Variants in SCMH1 observed in about 807,000 individuals in gnomAD.
SCMH1 encodes the protein polycomb protein SCMH1.
Under a neutral mutation model 70.8 loss-of-function variants are expected in SCMH1, and 37 were observed. The ratio of observed to expected loss-of-function variants is 0.52; its 90% CI spans 0.40 to 0.69. The LOEUF (loss-of-function observed/expected upper bound fraction) is 0.69, where lower values mean the gene tolerates loss of function less well. Among genes scored for constraint, SCMH1 ranks in the 30% least tolerant of loss-of-function variants. The pLI, the probability that SCMH1 is intolerant of heterozygous loss-of-function variation, is 0.00. For missense variants in SCMH1, 607 were observed against 827.3 expected, an observed-to-expected ratio of 0.73 and a Z score of 3.27; for synonymous variants, 292 against 307.4, an observed-to-expected ratio of 0.95 and a Z score of 0.52.
At chr1:41,092,041 C>A in intron 8 of SCMH1, among the ~76,000 whole-genome samples, 1 of 152,080 alleles carries the variant, frequency 6.6e-6, no homozygotes, top group East Asian at 1.9e-4. Flanking sequence ...TCATATGGAA[C>A]CAAAAAAGAG....
At chr1:41,091,941 T>C (rs1402200304) in intron 8 of SCMH1, among the ~76,000 whole-genome samples, 1 of 151,926 alleles carries the variant, frequency 6.6e-6, no homozygotes. Flanking sequence ...AAAATGGCCA[T>C]ACTGCCCAAG....
chr1:41,088,280 T>C (rs1462139225), intron 8 of SCMH1, among the ~76,000 whole-genome samples: 1 of 152,050 alleles, frequency 6.6e-6, no homozygotes, highest in African/African-American at 2.4e-5. Context: ...AAGAGGGTAG[T>C]GGTGGTGGAA....
At chr1:41,048,499 T>G (rs893115172) in intron 11 of SCMH1, among the ~76,000 whole-genome samples, 191 bp downstream of exon 11, 10 of 152,128 alleles carry the variant, frequency 6.6e-5, no homozygotes, top group African/African-American at 2.4e-4. Flanking sequence ...TCTGTGGGTA[T>G]TCTCCTTGGC....
intron 5 of SCMH1, among the ~76,000 whole-genome samples, chr1:41,146,218 T>TAA (rs776753680): frequency 7.3e-6 from 1 of 136,100 alleles, no homozygotes. Flanking sequence ...GTTTAAAAGG[T>TAA]AAAAAAAAAA....
chr1:41,213,968 T>C (rs931080199), intron 1 of SCMH1, among the ~76,000 whole-genome samples: 6 of 152,082 alleles, frequency 3.9e-5, no homozygotes, highest in Admixed American at 2.6e-4. Flanking sequence ...AAAAGGTAAG[T>C]AGGTGACAGC....
intron 6 of SCMH1, among the ~76,000 whole-genome samples, chr1:41,117,562 G>A (rs562327115): frequency 1.3e-3 from 193 of 151,716 alleles, no homozygotes; most frequent in African/African-American, 4.4e-3. Flanking sequence ...AGGGCCTGAC[G>A]TCAGTCAGGC....
chr1:41,095,588 A>C (rs923791433), intron 8 of SCMH1, among the ~76,000 whole-genome samples: 2 of 152,232 alleles, frequency 1.3e-5, no homozygotes, highest in Non-Finnish European at 2.9e-5. Context: ...TTCTATATAA[A>C]AATATGCTGG....
At chr1:41,218,596 TTC>T (rs1573163242) in intron 1 of SCMH1, among the ~76,000 whole-genome samples, 1 of 152,138 alleles carries the variant, frequency 6.6e-6, no homozygotes, top group East Asian at 1.9e-4. Context: ...GAGAATAAAT[TTC>T]TGTTGTTCTA....
At chr1:41,127,630 C>T (rs1673544126) in intron 6 of SCMH1, among the ~76,000 whole-genome samples, 1 of 152,102 alleles carries the variant, frequency 6.6e-6, no homozygotes, top group Non-Finnish European at 1.5e-5. Context: ...AATCTCCATC[C>T]CCCAAATTAA....
intron 8 of SCMH1, among the ~76,000 whole-genome samples, chr1:41,107,029 T>C (rs1448126386): frequency 3.3e-5 from 5 of 151,754 alleles, no homozygotes; most frequent in Non-Finnish European, 1.5e-5. Context: ...TTTTTTTTTT[T>C]TAACTTCTGG....
chr1:41,196,377 A>G (rs1653022413), intron 1 of SCMH1, among the ~76,000 whole-genome samples: 1 of 152,186 alleles, frequency 6.6e-6, no homozygotes, highest in African/African-American at 2.4e-5. Flanking sequence ...TAAGCAGACC[A>G]ATGTAATAGA....
At chr1:41,178,822 T>A (rs991169874) in intron 2 of SCMH1, among the ~76,000 whole-genome samples, 1 of 152,062 alleles carries the variant, frequency 6.6e-6, no homozygotes, top group Non-Finnish European at 1.5e-5. Flanking sequence ...ATTAGACAGA[T>A]CAACAAGACA....
At chr1:41,064,013 C>T (rs1406292185) in intron 10 of SCMH1, among the ~76,000 whole-genome samples, 1 of 152,108 alleles carries the variant, frequency 6.6e-6, no homozygotes, top group Non-Finnish European at 1.5e-5. Flanking sequence ...ATTATCAAAT[C>T]AAATTGAACA....
chr1:41,192,921 A>C (rs1167674112), intron 1 of SCMH1, among the ~76,000 whole-genome samples: 3 of 152,240 alleles, frequency 2.0e-5, no homozygotes, highest in Non-Finnish European at 2.9e-5. Context: ...CCAGATGGCA[A>C]ATATTTTCAG....
intron 10 of SCMH1, among the ~76,000 whole-genome samples, chr1:41,052,439 C>T (rs1648533660): frequency 6.6e-6 from 1 of 152,198 alleles, no homozygotes; most frequent in Admixed American, 6.5e-5. Context: ...ACAGTTTCAT[C>T]CTGAAACCAT....
chr1:41,033,578 A>G (rs1644853673), intron 13 of SCMH1, among the ~76,000 whole-genome samples: 1 of 152,064 alleles, frequency 6.6e-6, no homozygotes, highest in African/African-American at 2.4e-5. Flanking sequence ...CTCAATGTGT[A>G]CGGCTGGCAC....
exon 15 of SCMH1, chr1:41,028,068 C>T (rs2148472009): frequency 8.5e-7 from 1 of 1,175,946 alleles, no homozygotes; most frequent in Middle Eastern, 2.0e-4. Context: ...TGGCTCCACA[C>T]AGCCTCTTGG....
chr1:41,165,970 T>G (rs1221851356), intron 2 of SCMH1, among the ~76,000 whole-genome samples: 1 of 152,064 alleles, frequency 6.6e-6, no homozygotes, highest in Non-Finnish European at 1.5e-5. Context: ...TCTAGCAGTT[T>G]TATAGTTTCA....
At chr1:41,174,589 G>A (rs1349582683) in intron 2 of SCMH1, among the ~76,000 whole-genome samples, 1 of 151,710 alleles carries the variant, frequency 6.6e-6, no homozygotes, top group African/African-American at 2.4e-5. Context: ...TCTTGCAGAA[G>A]GCAAACAAGA....
Sources: gnomAD v4.1 joint callset for allele counts (sites outside exome capture counted in the v4.1 genomes callset) on GRCh38, gnomAD v4.1.1 for gene constraint, MANE v1.5 for transcripts, NCBI Gene and HGNC (gene_info 2026-07-23, HGNC 2026-07-21) for gene names.